Variants in ZNF649 observed in about 807,000 individuals in gnomAD.
ZNF649 encodes the protein zinc finger protein 649.
A neutral mutation model predicts 14.1 loss-of-function variants in ZNF649; 7 were observed. The ratio of observed to expected loss-of-function variants is 0.49; its 90% CI spans 0.28 to 0.93. The LOEUF is 0.93. ZNF649 is among the 40% of genes least tolerant of loss of function. The pLI is 0.10. For missense variants in ZNF649, 544 were observed against 608.1 expected, an observed-to-expected ratio of 0.89 and a Z score of 1.11; for synonymous variants, 227 against 212.3, an observed-to-expected ratio of 1.07 and a Z score of -0.60.
chr19:51,893,164 T>C (rs1162002595), intron 4 of ZNF649, among the ~76,000 whole-genome samples: 1 of 152,210 alleles, frequency 6.6e-6, no homozygotes, highest in Non-Finnish European at 1.5e-5. Context: ...CAGACTTTTC[T>C]TATATCCTGT....
chr19:51,891,620 G>C lies in ZNF649; in HGVS notation c.516C>G (p.His172Gln), dbSNP rs1261120301. The C allele has an allele frequency of 1.2e-6, 2 of 1,614,102 alleles. No individual in the cohort carries two copies. Among genetic ancestry groups the C allele is most frequent in the African/African-American group, 1.3e-5 (1 of 74,926 alleles). ...KSQFLKHQQTHNIEKAHECTD... is the reference protein window; with the variant it reads ...KSQFLKHQQTQNIEKAHECTD... Reference sequence around the variant, plus strand: ...TGCATTCATGGGCTTTCTCTATGTTGTGTGTTTGCTGATGTTTAAGGAATT... The same window carrying C: ...TGCATTCATGGGCTTTCTCTATGTTCTGTGTTTGCTGATGTTTAAGGAATT... Residue 172 changes from histidine to glutamine, a missense_variant, in exon 5 of 5, where the codon CAC (histidine) becomes CAG (glutamine). His to Gln is a conservative substitution (Grantham distance 24). Coordinates refer to ENST00000354957, the MANE Select transcript of ZNF649 (RefSeq NM_023074.4). The surrounding 1 kb of genome is among the most constrained non-coding windows in gnomAD (Gnocchi z 4.2).
intron 4 of ZNF649, among the ~76,000 whole-genome samples, chr19:51,893,187 A>G (rs2085036024): frequency 6.6e-6 from 1 of 152,176 alleles, no homozygotes; most frequent in African/African-American, 2.4e-5. Flanking sequence ...AAGACCTGCT[A>G]GCATACAGTC....
intron 4 of ZNF649, among the ~76,000 whole-genome samples, chr19:51,893,254 G>A (rs2085036400): frequency 6.6e-6 from 1 of 151,998 alleles, no homozygotes; most frequent in Non-Finnish European, 1.5e-5. Flanking sequence ...TGGATTATAT[G>A]TTACATATAT....
At chr19:51,902,185 T>C (rs1449572012) in intron 1 of ZNF649, among the ~76,000 whole-genome samples, 1 of 152,180 alleles carries the variant, frequency 6.6e-6, no homozygotes, top group African/African-American at 2.4e-5. Flanking sequence ...TCCAGAACTA[T>C]AACAAATAAA....
In ZNF649 at chr19:51,890,088, G is replaced by A. The variant is rs908357252; in HGVS notation, c.*530C>T. 8 of 152,264 alleles carry A rather than the reference G, an allele frequency of 5.3e-5. No homozygotes were observed. The highest frequency in any genetic ancestry group is 1.7e-4 in the African/African-American group (7 of 41,382). The allele number at this position is 152,264 out of a possible 1,614,324, so 9.4% of individuals were successfully genotyped here. On this transcript the variant is annotated 3_prime_UTR_variant, in exon 5 of 5. Transcript: ENST00000354957. ...GAAAAACCCATGTCAAATTATTAGA[G>A]GTTAAAAATTACAATTTCTGAGAGA...
intron 4 of ZNF649, among the ~76,000 whole-genome samples, chr19:51,892,824 C>A (rs1264098342): frequency 1.3e-5 from 2 of 152,192 alleles, no homozygotes; most frequent in Non-Finnish European, 2.9e-5. Context: ...AGATACCAAA[C>A]TATAAACTAG....
At chr19:51,894,984 A>AATGCTT (rs2085050903) in intron 4 of ZNF649, among the ~76,000 whole-genome samples, 1 of 152,238 alleles carries the variant, frequency 6.6e-6, no homozygotes, top group Non-Finnish European at 1.5e-5. Context: ...AATAGATGGA[A>AATGCTT]AAGTATGACC....
At chr19:51,902,103 A>G (rs1476635577) in intron 1 of ZNF649, among the ~76,000 whole-genome samples, 1 of 152,178 alleles carries the variant, frequency 6.6e-6, no homozygotes, top group Non-Finnish European at 1.5e-5. Context: ...ACAAAACACC[A>G]TATTGAAAGC....
At chr19:51,898,849 G>A (rs980934763) in intron 2 of ZNF649, among the ~76,000 whole-genome samples, 1 of 152,020 alleles carries the variant, frequency 6.6e-6, no homozygotes, top group Non-Finnish European at 1.5e-5. Context: ...GAAGGTGGAG[G>A]ATGCAGTGAG....
rs2085008899 is a variant in ZNF649 at position 51,890,178 on chromosome 19, A to G, written c.*440T>C. On this transcript the variant is annotated 3_prime_UTR_variant, in exon 5 of 5. Coordinates refer to ENST00000354957, the MANE Select transcript of ZNF649 (RefSeq NM_023074.4). Reference sequence around the variant, plus strand: ...GTGGAAAAAAGATTAGTGAACTGAAAGACATAGCTATGAGAACTATAAAAA... The same window carrying G: ...GTGGAAAAAAGATTAGTGAACTGAAGGACATAGCTATGAGAACTATAAAAA... The G allele has an allele frequency of 6.4e-6, 1 of 156,114 alleles. No homozygotes were observed. Among genetic ancestry groups the G allele is most frequent in the Non-Finnish European group, 1.4e-5 (1 of 70,422 alleles). 9.7% of individuals were successfully genotyped at this position (156,114 alleles called of 1,614,324 possible).
rs752028400 is a variant in ZNF649, at chr19:51,891,123, C to T, written c.1013G>A (p.Arg338Gln). ...ATAAGGTTTCTCTCCAGTGTGAGTT[C>T]GTTGATGTATGTTGAGATTGCCCTT... ...IQKGNLNIHQ[R>Q]THTGEKPYGC... The change falls in exon 5 of 5, where the codon CGA becomes CAA. Residue 338 changes from arginine (R) to glutamine (Q), a missense_variant. Arg to Gln is a conservative substitution (Grantham distance 43, BLOSUM62 1). Transcript: ENST00000354957. This position sits in a 1 kb window ranked among gnomAD's most constrained non-coding sequence, Gnocchi z 4.2. The T allele has an allele frequency of 3.7e-6, 6 of 1,613,984 alleles. No homozygotes were observed. Among genetic ancestry groups the T allele is most frequent in the East Asian group, 4.5e-5 (2 of 44,888 alleles).
Position 51,891,837 on chromosome 19 carries a change from C to G in ZNF649, c.299G>C (p.Arg100Thr). 2 of 1,591,834 alleles carry G rather than the reference C, an allele frequency of 1.3e-6. No homozygotes were observed. Among genetic ancestry groups the G allele is most frequent in the Non-Finnish European group, 1.7e-6 (2 of 1,174,362 alleles). ...QPLQNQKILK[R>T]TGQRYEHGRT... The stretch of plus-strand genomic sequence containing the variant: ...TCCGTGTTCATAGCGTTGTCCCGTC[C>G]TCTTCAGTATTTTTTGGTTTTGCAA... Residue 100 changes from arginine (R) to threonine (T), a missense_variant, in exon 5 of 5, where the codon AGG becomes ACG. Physicochemically the swap from Arg to Thr is moderately conservative, Grantham distance 71. Transcript: ENST00000354957. The surrounding 1 kb of genome is among the most constrained non-coding windows in gnomAD (Gnocchi z 4.2).
chr19:51,891,084 C>T lies in ZNF649; in HGVS notation c.1052G>A (p.Cys351Tyr). The T allele has an allele frequency of 1.2e-6, 2 of 1,614,200 alleles. No homozygotes were observed. Among genetic ancestry groups the T allele is most frequent in the Non-Finnish European group, 1.7e-6 (2 of 1,180,042 alleles). The part of the protein sequence containing the change: ...TGEKPYGCID[C>Y]GKAFSQKSCL... ...AGACTTCTGGCTGAAGGCCTTGCCA[C>T]AGTCAATGCATCCATAAGGTTTCTC... The change falls in exon 5 of 5, where the codon TGT becomes TAT. Residue 351 changes from cysteine (C) to tyrosine (Y), a missense_variant. Coordinates refer to ENST00000354957, the MANE Select transcript of ZNF649 (RefSeq NM_023074.4). This position sits in a 1 kb window ranked among gnomAD's most constrained non-coding sequence, Gnocchi z 4.2.
intron 4 of ZNF649, among the ~76,000 whole-genome samples, chr19:51,892,786 C>T (rs949729912): frequency 6.6e-6 from 1 of 152,158 alleles, no homozygotes; most frequent in Non-Finnish European, 1.5e-5. Context: ...GATCACAAGA[C>T]TGATGGAACA....
At chr19:51,894,460 A>G (rs1260420177) in intron 4 of ZNF649, among the ~76,000 whole-genome samples, 2 of 152,102 alleles carry the variant, frequency 1.3e-5, no homozygotes, top group African/African-American at 4.8e-5. Flanking sequence ...GACAGTCCCC[A>G]CATGGCCTTG....
chr19:51,896,422 A>C (rs767039885), intron 4 of ZNF649, 50 bp downstream of exon 4: 8 of 1,537,928 alleles, frequency 5.2e-6, no homozygotes, highest in Non-Finnish European at 6.3e-6. Context: ...CTAAATGACC[A>C]GAATGTGACT....
At position 51,891,593 on chromosome 19, in the gene ZNF649, A is replaced by C. The variant is rs2085023126; in HGVS notation, c.543T>G (p.Thr181=). The part of the protein sequence containing the change: ...THNIEKAHEC[T]DCGKAFLKKS... Reference sequence around the variant, plus strand: ...TCTTGAGGAAAGCTTTCCCACAGTCAGTGCATTCATGGGCTTTCTCTATGT... The same window carrying C: ...TCTTGAGGAAAGCTTTCCCACAGTCCGTGCATTCATGGGCTTTCTCTATGT... Residue 181 remains threonine, a synonymous_variant, in exon 5 of 5, where the codon ACT becomes ACG. Coordinates refer to ENST00000354957, the MANE Select transcript of ZNF649 (RefSeq NM_023074.4). This position sits in a 1 kb window ranked among gnomAD's most constrained non-coding sequence, Gnocchi z 4.2. 6.2e-7 allele frequency: 1 copy of C among 1,614,254 alleles called. No individual in the cohort carries two copies. The highest frequency in any genetic ancestry group is 8.5e-7 in the Non-Finnish European group (1 of 1,180,054).
rs2085114815 is a variant in ZNF649, at chr19:51,904,900, A to C, written c.-188+14T>G. 1 of 152,312 alleles carries C rather than the reference A, an allele frequency of 6.6e-6. No homozygotes were observed. Among genetic ancestry groups the C allele is most frequent in the Non-Finnish European group, 1.5e-5 (1 of 68,190 alleles). The allele number at this position is 152,312 out of a possible 1,614,324, so 9.4% of individuals were successfully genotyped here. A position where few individuals can be genotyped will look rare whatever the true frequency, so the allele number is the denominator to read the frequency against. ...CCCCTTTAACCTACTCCACGGAGAG[A>C]CCCAAACACTCACCTGATTTTCTTC... On this transcript the variant is annotated intron_variant, in intron 1 of 4. Coordinates refer to ENST00000354957, the MANE Select transcript of ZNF649 (RefSeq NM_023074.4).
chr19:51,900,755 A>C (rs1205909853), intron 1 of ZNF649, among the ~76,000 whole-genome samples: 1 of 152,140 alleles, frequency 6.6e-6, no homozygotes, highest in Non-Finnish European at 1.5e-5. Context: ...CAGGTAAAAG[A>C]GAAGGCCATG....
Sources: gnomAD v4.1 joint callset for allele counts (sites outside exome capture counted in the v4.1 genomes callset) on GRCh38, gnomAD v4.1.1 for gene constraint, Gnocchi (gnomAD v3.1) non-coding constraint, MANE v1.5 for transcripts, NCBI Gene and HGNC (gene_info 2026-07-23, HGNC 2026-07-21) for gene names.